Variants in OR8J3 observed in about 807,000 individuals in gnomAD.
OR8J3 encodes olfactory receptor 8J3.
For missense variants in OR8J3, 418 were observed against 379.8 expected, an observed-to-expected ratio of 1.10 and a Z score of -0.84; for synonymous variants, 170 against 142.6, an observed-to-expected ratio of 1.19 and a Z score of -1.37.
At chr11:56,139,444 A>G (rs990845003) in intron 1 of OR8J3, among the ~76,000 whole-genome samples, 4 of 152,178 alleles carry the variant, frequency 2.6e-5, no homozygotes, top group African/African-American at 9.6e-5. Flanking sequence ...GATACCAAGC[A>G]TAAATTTTTC....
Position 56,134,758 on chromosome 11 carries a change from C to T in OR8J3, c.*2013G>A, listed in dbSNP as rs933496628. 2.0e-5 allele frequency: 3 copies of T among 151,896 alleles called. No homozygotes were observed. Among genetic ancestry groups the T allele is most frequent in the African/African-American group, 7.2e-5 (3 of 41,382 alleles). 9.4% of individuals were successfully genotyped at this position (151,896 alleles called of 1,614,324 possible). A position where few individuals can be genotyped will look rare whatever the true frequency, so the allele number is the denominator to read the frequency against. ...AGCGCTCAGTGTTTTAATATTTTTC[C>T]CTACTTTAGCATCAAAATAAAGTCA... On this transcript the variant is annotated 3_prime_UTR_variant, in exon 2 of 2. Transcript: ENST00000642058.
rs755999710 is a variant in OR8J3, at chr11:56,136,729, G to T, written c.*42C>A. ...TTTTATTTCTCTTACATAATGGCAGGTTACATGAACTATCTCTTCATTTAT... is the reference window on the plus strand; with the variant it reads ...TTTTATTTCTCTTACATAATGGCAGTTTACATGAACTATCTCTTCATTTAT... On this transcript the variant is annotated 3_prime_UTR_variant, in exon 2 of 2. Transcript: ENST00000642058. The T allele has an allele frequency of 2.7e-6, 3 of 1,097,302 alleles. No individual in the cohort carries two copies. Among genetic ancestry groups the T allele is most frequent in the African/African-American group, 1.6e-5 (1 of 63,240 alleles). The allele number at this position is 1,097,302 out of a possible 1,614,324, so 68.0% of individuals were successfully genotyped here.
chr11:56,139,911 C>G (rs1343304456), intron 1 of OR8J3, among the ~76,000 whole-genome samples: 2 of 152,216 alleles, frequency 1.3e-5, no homozygotes, highest in African/African-American at 4.8e-5. Flanking sequence ...ATAAAGTTAT[C>G]CTGCCTTTAG....
Position 56,137,170 on chromosome 11 carries a change from AGG to A in OR8J3, c.547_548del (p.Pro183SerfsTer8). 3 of 1,613,686 alleles carry A rather than the reference AGG, an allele frequency of 1.9e-6. No individual in the cohort carries two copies. The highest frequency in any genetic ancestry group is 2.5e-6 in the Non-Finnish European group (3 of 1,179,672). On this transcript the variant is annotated frameshift_variant, in exon 2 of 2. Coordinates refer to ENST00000642058, the MANE Select transcript of OR8J3 (RefSeq NM_001004064.2). LOFTEE classifies it low-confidence loss of function (END_TRUNC). ...TATCAGAGCAAGATAATGCTAACAGAGGTGCAATATCACAGTAAAAATGATTG... is the reference window on the plus strand; with the variant it reads ...TATCAGAGCAAGATAATGCTAACAGATGCAATATCACAGTAAAAATGATTG... ...IINHFYCDIA[P>X]LLALSCSDTY...
Position 56,138,199 on chromosome 11 carries a change from T to C in OR8J3, c.-481A>G, listed in dbSNP as rs1854354646. 1 of 154,622 alleles carries C rather than the reference T, an allele frequency of 6.5e-6. No homozygotes were observed. Among genetic ancestry groups the C allele is most frequent in the South Asian group, 2.0e-4 (1 of 4,944 alleles). 9.6% of individuals were successfully genotyped at this position (154,622 alleles called of 1,614,324 possible). A position where few individuals can be genotyped will look rare whatever the true frequency, so the allele number is the denominator to read the frequency against. On this transcript the variant is annotated 5_prime_UTR_variant, in exon 2 of 2. It adds an upstream start codon to the 5' untranslated region. Transcript: ENST00000642058. ...ACTATACTCTTCATTTTAAGAATTA[T>C]ATCCTTTTATAACATGTATTAGATC... is the stretch of plus-strand genomic sequence containing the variant.
chr11:56,139,517 A>G (rs942637038), intron 1 of OR8J3, among the ~76,000 whole-genome samples: 5 of 152,188 alleles, frequency 3.3e-5, no homozygotes, highest in Non-Finnish European at 4.4e-5. Context: ...ACTTTGTTCC[A>G]GGCTATGTTC....
intron 1 of OR8J3, among the ~76,000 whole-genome samples, chr11:56,139,582 A>G (rs1034533001): frequency 2.0e-5 from 3 of 152,248 alleles, no homozygotes; most frequent in African/African-American, 7.2e-5. Flanking sequence ...TTGTAATGAT[A>G]GGGAAGAGAA....
intron 1 of OR8J3, among the ~76,000 whole-genome samples, chr11:56,139,119 G>A (rs1854364843): frequency 6.6e-6 from 1 of 152,058 alleles, no homozygotes. Flanking sequence ...GTGAATTCAT[G>A]TCCTGTTGGA....
chr11:56,140,087 G>A (rs1031042128), intron 1 of OR8J3, 86 bp downstream of exon 1: 7 of 152,234 alleles, frequency 4.6e-5, no homozygotes, highest in African/African-American at 1.7e-4. Context: ...TAGTTTTGCA[G>A]AGTATAGGGG....
At position 56,136,960 on chromosome 11, in the gene OR8J3, C is replaced by T. The variant is rs750345346; in HGVS notation, c.759G>A (p.Gly253=). ...GCTGCAAATACATAAATAGCATTGT[C>T]CCATAGAAAACCGTGACTGCTATCA... The part of the protein sequence containing the change: ...SHMIAVTVFY[G]TMLFMYLQPQ... The change falls in exon 2 of 2, where the codon GGG becomes GGA. Residue 253 remains glycine (G), a synonymous_variant. Transcript: ENST00000642058. 1 of 1,613,576 alleles carries T rather than the reference C, an allele frequency of 6.2e-7. No homozygotes were observed.
Position 56,137,466 on chromosome 11 carries a change from A to C in OR8J3, c.253T>G (p.Phe85Val). Residue 85 changes from phenylalanine (F) to valine (V), a missense_variant, in exon 2 of 2, where the codon TTT becomes GTT. By Grantham distance (50) the Phe-to-Val change is conservative (BLOSUM62 -1). Transcript: ENST00000642058. ...GAGGTAGTTTTCTTCTTTACTAAAA[A>C]GTTCATCAGCATTTTAGGGGCAATG... is the stretch of plus-strand genomic sequence containing the variant. ...TVIAPKMLMN[F>V]LVKKKTTSFY... 6.2e-7 allele frequency: 1 copy of C among 1,614,214 alleles called. No homozygotes were observed.
chr11:56,137,638 G>T lies in OR8J3; in HGVS notation c.81C>A (p.Leu27=). 1.2e-6 allele frequency: 2 copies of T among 1,614,208 alleles called. No homozygotes were observed. The highest frequency in any genetic ancestry group is 8.5e-7 in the Non-Finnish European group (1 of 1,180,038). The change falls in exon 2 of 2, where the codon CTC becomes CTA. Residue 27 remains leucine (L), a synonymous_variant. Transcript: ENST00000642058. ...CATAGAGCACTAGGAAGACCAGGAA[G>T]AGGGGAATCTGGAGCTCTGGACAGC... ...VSSCPELQIP[L]FLVFLVLYVL...
In OR8J3 at chr11:56,138,498, C is replaced by A. The variant is rs777880123; in HGVS notation, c.-779-1G>T. 6.6e-6 allele frequency: 1 copy of A among 152,016 alleles called. No homozygotes were observed. Among genetic ancestry groups the A allele is most frequent in the Non-Finnish European group, 1.5e-5 (1 of 68,090 alleles). The allele number at this position is 152,016 out of a possible 1,614,324, so 9.4% of individuals were successfully genotyped here. The stretch of plus-strand genomic sequence containing the variant: ...CTGGCTAACACAGTGAAACCCCTTT[C>A]TACAAACAAACAAACAAAAAAAAAT... On this transcript the variant is annotated splice_acceptor_variant, in intron 1 of 1. Transcript: ENST00000642058. LOFTEE classifies it low-confidence loss of function (5UTR_SPLICE).
Position 56,136,175 on chromosome 11 carries a change from T to C in OR8J3, c.*596A>G, listed in dbSNP as rs1281442645. 2 of 152,104 alleles carry C rather than the reference T, an allele frequency of 1.3e-5. No homozygotes were observed. The highest frequency in any genetic ancestry group is 1.3e-4 in the Admixed American group (2 of 15,268). The allele number at this position is 152,104 out of a possible 1,614,324, so 9.4% of individuals were successfully genotyped here. A position where few individuals can be genotyped will look rare whatever the true frequency, so the allele number is the denominator to read the frequency against. On this transcript the variant is annotated 3_prime_UTR_variant, in exon 2 of 2. Transcript: ENST00000642058. ...TTCAGTGATAGTAGTCTGAGCATTT[T>C]ATTTAAAAATTGCAGAAAATATATT...
Position 56,136,625 on chromosome 11 carries a change from T to C in OR8J3, c.*146A>G. 1 of 506,066 alleles carries C rather than the reference T, an allele frequency of 2.0e-6. No individual in the cohort carries two copies. Among genetic ancestry groups the C allele is most frequent in the East Asian group, 3.2e-5 (1 of 31,052 alleles). The allele number at this position is 506,066 out of a possible 1,614,324, so 31.3% of individuals were successfully genotyped here. ...TTTGTATTACTCTCATAACTCAAAA[T>C]GTTTCCATGTATTTTTTTTAATTCA... is the stretch of plus-strand genomic sequence containing the variant. On this transcript the variant is annotated 3_prime_UTR_variant, in exon 2 of 2. Transcript: ENST00000642058.
intron 1 of OR8J3, among the ~76,000 whole-genome samples, chr11:56,139,265 A>G (rs1854366792): frequency 2.0e-5 from 3 of 152,200 alleles, no homozygotes; most frequent in South Asian, 4.1e-4. Context: ...TTAAAAGCCC[A>G]GAGCTATTCA....
chr11:56,135,917 A>C lies in OR8J3; in HGVS notation c.*854T>G, dbSNP rs1854326051. 1 of 152,050 alleles carries C rather than the reference A, an allele frequency of 6.6e-6. No homozygotes were observed. The highest frequency in any genetic ancestry group is 2.4e-5 in the African/African-American group (1 of 41,450). The allele number at this position is 152,050 out of a possible 1,614,324, so 9.4% of individuals were successfully genotyped here. On this transcript the variant is annotated 3_prime_UTR_variant, in exon 2 of 2. Transcript: ENST00000642058. Reference sequence around the variant, plus strand: ...TCCTATATATTATAAGTTGTACAATAGGTGTAAGTGTACACTTACTGATCA... The same window carrying C: ...TCCTATATATTATAAGTTGTACAATCGGTGTAAGTGTACACTTACTGATCA...
At chr11:56,139,527 C>A (rs1312950868) in intron 1 of OR8J3, among the ~76,000 whole-genome samples, 1 of 152,066 alleles carries the variant, frequency 6.6e-6, no homozygotes, top group Admixed American at 6.6e-5. Flanking sequence ...AGGCTATGTT[C>A]GAGCTTCAGA....
In OR8J3 at chr11:56,136,958, G is replaced by A. The variant is rs1854336672; in HGVS notation, c.761C>T (p.Thr254Ile). ...HMIAVTVFYG[T>I]MLFMYLQPQT... ...GGGCTGCAAATACATAAATAGCATT[G>A]TCCCATAGAAAACCGTGACTGCTAT... is the stretch of plus-strand genomic sequence containing the variant. The change falls in exon 2 of 2, where the codon ACA (threonine) becomes ATA (isoleucine). Residue 254 changes from threonine (T) to isoleucine (I), a missense_variant. Transcript: ENST00000642058. 1 of 1,613,720 alleles carries A rather than the reference G, an allele frequency of 6.2e-7. No individual in the cohort carries two copies. Among genetic ancestry groups the A allele is most frequent in the Non-Finnish European group, 8.5e-7 (1 of 1,179,878 alleles).
Sources: allele counts gnomAD v4.1 joint callset (sites outside exome capture counted in the v4.1 genomes callset), GRCh38; gene constraint gnomAD v4.1.1; transcripts MANE v1.5; gene names NCBI Gene and HGNC (gene_info 2026-07-23, HGNC 2026-07-21).